The following TNS3 variants were observed in gnomAD, a reference collection of about 807,000 sequenced individuals.
The protein encoded by TNS3 is tensin 3, also known as tensin-3.
TNS3 carries 45 observed loss-of-function variants against 140.9 expected under a neutral mutation model. That is an observed-to-expected ratio of 0.32 (90% confidence interval 0.25 to 0.41). TNS3 has a LOEUF of 0.41. Ranked by LOEUF, TNS3 falls within the 10% of genes least tolerant of loss-of-function variation. The pLI is 1.00. For missense variants in TNS3, 1,716 were observed against 1,906.7 expected (o/e 0.90, Z 1.86); for synonymous variants, 815 against 788.4 (o/e 1.03, Z -0.56).
intron 1 of TNS3, among the ~76,000 whole-genome samples, chr7:47,570,456 A>C (rs1800526670): frequency 6.6e-6 from 1 of 152,242 alleles, no homozygotes; most frequent in Non-Finnish European, 1.5e-5. Context: ...CCAAGGAAAT[A>C]TCAGTAGGCT....
chr7:47,573,403 T>G (rs1800602939), intron 1 of TNS3, among the ~76,000 whole-genome samples: 1 of 152,100 alleles, frequency 6.6e-6, no homozygotes, highest in Non-Finnish European at 1.5e-5. Flanking sequence ...GCTGGGGCAT[T>G]GGTCTCAAAT....
chr7:47,390,630 G>A (rs185056084), intron 16 of TNS3, among the ~76,000 whole-genome samples: 145 of 152,310 alleles, frequency 9.5e-4, no homozygotes, highest in African/African-American at 3.4e-3. Flanking sequence ...TCTTGGATTG[G>A]TAAGTTTGAG....
At position 47,435,421 on chromosome 7, in the gene TNS3, G is replaced by T; in HGVS notation, c.202-17C>A. The T allele has an allele frequency of 6.2e-7, 1 of 1,612,112 alleles. No individual in the cohort carries two copies. Among genetic ancestry groups the T allele is most frequent in the African/African-American group, 1.3e-5 (1 of 75,032 alleles). On this transcript the variant is annotated splice_polypyrimidine_tract_variant and intron_variant, in intron 7 of 30. Transcript: ENST00000311160. ...ATCCATGATCTGCAACAAGAAAGGG[G>T]AGCTTCCTCGGTTTCCATTTCCTAA...
intron 23 of TNS3, among the ~76,000 whole-genome samples, chr7:47,297,612 T>C (rs1248894371): frequency 1.3e-5 from 2 of 151,960 alleles, no homozygotes; most frequent in Admixed American, 6.6e-5. Context: ...AGGCTCACGC[T>C]GAGTAAGAAA....
At position 47,278,174 on chromosome 7, in the gene TNS3, C is replaced by T; in HGVS notation, c.4240G>A (p.Val1414Met). The part of the protein sequence containing the change: ...ARKQGSATDN[V>M]CHLFAEHDPE... ...TCATGCTCTGCAAACAGGTGGCACA[C>T]ATTATCCGTGGCACTGCCCTGCTTC... The change falls in exon 31 of 31, where the codon GTG (valine) becomes ATG (methionine). Residue 1414 changes from valine (V) to methionine (M), a missense_variant. Coordinates refer to ENST00000311160, the MANE Select transcript of TNS3 (RefSeq NM_022748.12). 1 of 1,614,164 alleles carries T rather than the reference C, an allele frequency of 6.2e-7. No individual in the cohort carries two copies.
At chr7:47,344,157 C>A (rs985768914) in intron 20 of TNS3, among the ~76,000 whole-genome samples, 4 of 152,294 alleles carry the variant, frequency 2.6e-5, no homozygotes, top group Admixed American at 6.5e-5. Flanking sequence ...TTGTCCTGGA[C>A]TCTCAGGCAA....
At chr7:47,534,792 ATGC>A (rs1421333642) in intron 1 of TNS3, among the ~76,000 whole-genome samples, 3 of 152,202 alleles carry the variant, frequency 2.0e-5, no homozygotes, top group African/African-American at 7.2e-5. Flanking sequence ...AAGGATAATG[ATGC>A]TGCTAATTAT....
At chr7:47,537,009 C>A (rs1799623003) in intron 1 of TNS3, among the ~76,000 whole-genome samples, 1 of 151,992 alleles carries the variant, frequency 6.6e-6, no homozygotes, top group African/African-American at 2.4e-5. Flanking sequence ...GCCATGCACA[C>A]CAGCTCCGGG....
chr7:47,484,920 A>G (rs2151803628), intron 3 of TNS3, among the ~76,000 whole-genome samples: 1 of 152,292 alleles, frequency 6.6e-6, no homozygotes, highest in East Asian at 1.9e-4. Flanking sequence ...AGAAGCTAAC[A>G]CTTCTTTAGC....
chr7:47,341,863 A>G (rs1420041781), intron 20 of TNS3, among the ~76,000 whole-genome samples: 2 of 152,074 alleles, frequency 1.3e-5, no homozygotes, highest in African/African-American at 2.4e-5. Context: ...GTGCGGCTGT[A>G]TTAAAGCAGT....
At chr7:47,511,618 C>A (rs571602058) in intron 2 of TNS3, among the ~76,000 whole-genome samples, 1 of 151,880 alleles carries the variant, frequency 6.6e-6, no homozygotes, top group Non-Finnish European at 1.5e-5. Context: ...GCGAGGGCAA[C>A]CCCGTTCATT....
Position 47,369,747 on chromosome 7 carries a change from A to G in TNS3, c.1025-126T>C, listed in dbSNP as rs17172853. 4,693 of 1,130,158 alleles carry G rather than the reference A, an allele frequency of 4.2e-3. 100 individuals carry two copies. In the African/African-American group the frequency reaches 0.056, roughly 13 times the overall value. The allele number at this position is 1,130,158 out of a possible 1,614,324, so 70.0% of individuals were successfully genotyped here. On this transcript the variant is annotated intron_variant, in intron 16 of 30. Transcript: ENST00000311160. ...TTCAAAATATGACTTACAATAAACA[A>G]GGACAAAGATTCCTCTAACATCACA... is the stretch of plus-strand genomic sequence containing the variant.
At chr7:47,361,225 C>CAAAAAA (rs1790309091) in intron 17 of TNS3, among the ~76,000 whole-genome samples, 1 of 71,582 alleles carries the variant, frequency 1.4e-5, no homozygotes, top group Admixed American at 1.6e-4. Context: ...AAAAAAAAAA[C>CAAAAAA]AAGCAAGGGC....
intron 4 of TNS3, among the ~76,000 whole-genome samples, chr7:47,464,237 A>G (rs1197146395): frequency 6.6e-6 from 1 of 152,204 alleles, no homozygotes; most frequent in Non-Finnish European, 1.5e-5. Context: ...CCTTGCCTTG[A>G]GAAGCTTACA....
chr7:47,547,003 T>C lies in TNS3; in HGVS notation c.-264-17856A>G, dbSNP rs183735713. 3.9e-4 allele frequency among the ~76,000 whole-genome samples: 60 copies of C among 152,356 alleles called. No individual in the cohort carries two copies. The Middle Eastern group carries it at 0.01, about 26-fold the overall frequency. On this transcript the variant is annotated intron_variant, in intron 1 of 30. Transcript: ENST00000311160. Reference sequence around the variant, plus strand: ...TGGGCCTTTGGAACACCCTGAGCTGTGGCCTCCTATCTGCTGCCCTTTGAG... The same window carrying C: ...TGGGCCTTTGGAACACCCTGAGCTGCGGCCTCCTATCTGCTGCCCTTTGAG...
At chr7:47,480,064 C>G (rs924438490) in intron 4 of TNS3, among the ~76,000 whole-genome samples, 1 of 152,220 alleles carries the variant, frequency 6.6e-6, no homozygotes, top group East Asian at 1.9e-4. Context: ...AGCTGCCACA[C>G]GGGCGCCGCT....
chr7:47,482,222 A>G (rs1254144340), intron 3 of TNS3, among the ~76,000 whole-genome samples: 3 of 152,188 alleles, frequency 2.0e-5, no homozygotes, highest in Non-Finnish European at 4.4e-5. Context: ...GATCTGACTA[A>G]TTGTACTTGT....
At chr7:47,281,804 A>G (rs7777752) in intron 28 of TNS3, among the ~76,000 whole-genome samples, 57,258 of 151,810 alleles carry the variant, frequency 0.38, 11,242 homozygotes, top group Non-Finnish European at 0.44. Context: ...CAAGGGCAGC[A>G]GGGAGGAGGG....
intron 17 of TNS3, among the ~76,000 whole-genome samples, chr7:47,351,366 C>T (rs1456851057): frequency 2.0e-5 from 3 of 152,116 alleles, no homozygotes; most frequent in Non-Finnish European, 4.4e-5. Context: ...TTATAGCGAG[C>T]AGGGCTTATG....
Sources: allele counts gnomAD v4.1 joint callset (sites outside exome capture counted in the v4.1 genomes callset), GRCh38; gene constraint gnomAD v4.1.1; transcripts MANE v1.5; gene names NCBI Gene and HGNC (gene_info 2026-07-23, HGNC 2026-07-21).